CYP7B1: variants seen among roughly 807,000 people sequenced by gnomAD.
The protein encoded by CYP7B1 is cytochrome P450 family 7 subfamily B member 1.
A neutral mutation model predicts 42.7 loss-of-function variants in CYP7B1; 29 were observed. That is an observed-to-expected ratio of 0.68 (90% CI 0.51 to 0.93). The LOEUF (loss-of-function observed/expected upper bound fraction) is 0.93, where lower values mean the gene tolerates loss of function less well. Ranked by LOEUF, CYP7B1 falls within the 40% of genes least tolerant of loss-of-function variation. The probability of loss-of-function intolerance (pLI) is 0.00; values close to 1 mark genes in which losing one functional copy is unlikely to be tolerated. For missense variants in CYP7B1, 655 were observed against 600.5 expected, an observed-to-expected ratio of 1.09 and a Z score of -0.95; for synonymous variants, 235 against 218.2, an observed-to-expected ratio of 1.08 and a Z score of -0.68.
At chr8:64,645,581 G>T (rs1215727810) in intron 1 of CYP7B1, among the ~76,000 whole-genome samples, 1 of 152,060 alleles carries the variant, frequency 6.6e-6, no homozygotes, top group South Asian at 2.1e-4. Flanking sequence ...TTTCATGCTC[G>T]TGGGTAGGAA....
intron 1 of CYP7B1, among the ~76,000 whole-genome samples, chr8:64,669,573 T>TA (rs1394814263): frequency 2.0e-5 from 3 of 152,168 alleles, no homozygotes; most frequent in African/African-American, 7.2e-5. Flanking sequence ...ACATAGCTTT[T>TA]AAAAAACTTG....
intron 1 of CYP7B1, among the ~76,000 whole-genome samples, chr8:64,773,065 A>AT (rs1440084111): frequency 5.9e-5 from 9 of 152,118 alleles, no homozygotes; most frequent in African/African-American, 2.2e-4. Flanking sequence ...ACCCTGCTAT[A>AT]TTTTTTCCAC....
chr8:64,738,338 T>G (rs933598922), intron 1 of CYP7B1, among the ~76,000 whole-genome samples: 3 of 152,108 alleles, frequency 2.0e-5, no homozygotes, highest in African/African-American at 7.2e-5. Flanking sequence ...TCTAACACTT[T>G]AAATGTGCTA....
chr8:64,656,633 T>C (rs1806124977), intron 1 of CYP7B1, among the ~76,000 whole-genome samples: 1 of 152,202 alleles, frequency 6.6e-6, no homozygotes. Context: ...AGGTAGAAAG[T>C]ATTGTTCTGA....
At chr8:64,755,783 T>C (rs1041698384) in intron 1 of CYP7B1, among the ~76,000 whole-genome samples, 2 of 152,182 alleles carry the variant, frequency 1.3e-5, no homozygotes, top group African/African-American at 4.8e-5. Flanking sequence ...AAATTTAAAA[T>C]ATAAGAATAA....
intron 1 of CYP7B1, among the ~76,000 whole-genome samples, chr8:64,662,596 A>C (rs927444954): frequency 6.6e-6 from 1 of 152,212 alleles, no homozygotes; most frequent in Non-Finnish European, 1.5e-5. Context: ...TTTGCTGATT[A>C]AAACCCCTAT....
chr8:64,632,712 A>T (rs954303735), intron 1 of CYP7B1, among the ~76,000 whole-genome samples: 3 of 152,156 alleles, frequency 2.0e-5, no homozygotes, highest in Non-Finnish European at 4.4e-5. Context: ...AGTAACATCT[A>T]CAAAAAAATC....
intron 1 of CYP7B1, among the ~76,000 whole-genome samples, chr8:64,722,749 G>T (rs1015923914): frequency 1.9e-5 from 2 of 103,992 alleles, no homozygotes; most frequent in Admixed American, 1.1e-4. Context: ...GCGGCGGGGG[G>T]GGGGGGGCGG....
intron 1 of CYP7B1, among the ~76,000 whole-genome samples, chr8:64,691,456 C>G (rs1301813823): frequency 8.3e-6 from 1 of 121,172 alleles, no homozygotes; most frequent in South Asian, 2.6e-4. Flanking sequence ...CAGGCACCAA[C>G]ATGAACGTAT....
intron 1 of CYP7B1, among the ~76,000 whole-genome samples, chr8:64,791,495 A>G (rs1349703419): frequency 6.6e-6 from 1 of 152,210 alleles, no homozygotes; most frequent in South Asian, 2.1e-4. Flanking sequence ...CGTAGGAGAG[A>G]GATTTAGAGA....
At chr8:64,682,759 C>T (rs1368087987) in intron 1 of CYP7B1, among the ~76,000 whole-genome samples, 3 of 152,206 alleles carry the variant, frequency 2.0e-5, no homozygotes, top group Non-Finnish European at 4.4e-5. Context: ...ACTGGAGACA[C>T]GTCAGCTCGT....
intron 1 of CYP7B1, among the ~76,000 whole-genome samples, chr8:64,732,066 A>G (rs1272126371): frequency 6.6e-6 from 1 of 152,236 alleles, no homozygotes; most frequent in African/African-American, 2.4e-5. Flanking sequence ...GTGGAGTAGG[A>G]GCCCACACAC....
At chr8:64,612,177 T>A (rs577304347) in intron 4 of CYP7B1, among the ~76,000 whole-genome samples, 24 of 152,214 alleles carry the variant, frequency 1.6e-4, no homozygotes, top group Admixed American at 1.3e-3. Context: ...CAGTTCTAAA[T>A]CCTACCTCCA....
intron 1 of CYP7B1, among the ~76,000 whole-genome samples, chr8:64,731,009 G>C (rs1563407980): frequency 6.6e-6 from 1 of 152,152 alleles, no homozygotes; most frequent in South Asian, 2.1e-4. Context: ...GCTGCCCTGT[G>C]AAGAACGATG....
intron 1 of CYP7B1, among the ~76,000 whole-genome samples, chr8:64,725,859 T>C (rs901734921): frequency 6.6e-6 from 1 of 152,236 alleles, no homozygotes; most frequent in Non-Finnish European, 1.5e-5. Context: ...TTCTCCTTCA[T>C]CATGCCCTGA....
chr8:64,628,717 G>T (rs1805644162), intron 1 of CYP7B1, among the ~76,000 whole-genome samples: 1 of 151,936 alleles, frequency 6.6e-6, no homozygotes, highest in Admixed American at 6.6e-5. Context: ...TACTGGAGAA[G>T]AATCTAAATA....
intron 1 of CYP7B1, among the ~76,000 whole-genome samples, chr8:64,724,469 A>C (rs1024251984): frequency 1.3e-5 from 2 of 152,104 alleles, no homozygotes; most frequent in Admixed American, 6.5e-5. Flanking sequence ...TTTTTTTCCA[A>C]AAGTCCTCAA....
chr8:64,762,075 C>T (rs1229848515), intron 1 of CYP7B1, among the ~76,000 whole-genome samples: 1 of 152,094 alleles, frequency 6.6e-6, no homozygotes, highest in Non-Finnish European at 1.5e-5. Flanking sequence ...TAAATGATAG[C>T]ACAGAACATA....
At chr8:64,598,113 A>G (rs1237846560) in intron 5 of CYP7B1, among the ~76,000 whole-genome samples, 1 of 152,188 alleles carries the variant, frequency 6.6e-6, no homozygotes, top group East Asian at 1.9e-4. Context: ...GAGCTTAGAA[A>G]AATTCTCAGT....
Sources: gnomAD v4.1 joint callset for allele counts (sites outside exome capture counted in the v4.1 genomes callset) on GRCh38, gnomAD v4.1.1 for gene constraint, MANE v1.5 for transcripts, NCBI Gene and HGNC (gene_info 2026-07-23, HGNC 2026-07-21) for gene names.